Variants in NGEF observed in about 807,000 individuals in gnomAD.
NGEF encodes the protein neuronal guanine nucleotide exchange factor.
NGEF carries 31 observed loss-of-function variants against 80.9 expected under a neutral mutation model. That is an observed-to-expected ratio of 0.38 (90% confidence interval 0.29 to 0.52). The LOEUF is 0.52. NGEF is among the 20% of genes least tolerant of loss of function. The pLI, the probability that NGEF is intolerant of heterozygous loss-of-function variation, is 0.84. For synonymous variants in NGEF, 371 were observed against 370.2 expected, an observed-to-expected ratio of 1.00 and a Z score of -0.03; for missense variants, 709 against 926.2, an observed-to-expected ratio of 0.77 and a Z score of 3.04.
At chr2:232,977,649 A>G (rs1227047008) in intron 1 of NGEF, among the ~76,000 whole-genome samples, 1 of 152,080 alleles carries the variant, frequency 6.6e-6, no homozygotes, top group East Asian at 1.9e-4. Flanking sequence ...GGGGTGGATG[A>G]TGTAGGCATT....
chr2:232,899,183 G>A (rs1692193986), intron 5 of NGEF, among the ~76,000 whole-genome samples: 2 of 151,922 alleles, frequency 1.3e-5, no homozygotes, highest in Admixed American at 1.3e-4. Flanking sequence ...GAAGGTGAGT[G>A]TGAATGTGTG....
In NGEF at chr2:232,995,086, A is replaced by AGTGT. The variant is rs1409598819; in HGVS notation, c.-75+17981_-75+17982insACAC. Among the ~76,000 whole-genome samples, 36 of 26,328 alleles carry AGTGT rather than the reference A, an allele frequency of 1.4e-3. 17 individuals are homozygous for AGTGT. The highest frequency in any genetic ancestry group is 0.011 in the African/African-American group (36 of 3,320). The allele number at this position is 26,328 out of a possible 152,430, so 17.3% of individuals were successfully genotyped here. A position where few individuals can be genotyped will look rare whatever the true frequency, so the allele number is the denominator to read the frequency against. On this transcript the variant is annotated intron_variant, in intron 1 of 14. Coordinates refer to ENST00000264051, the MANE Select transcript of NGEF (RefSeq NM_019850.3). ...CAGTATGTATACTGTATATGTGTAC[A>AGTGT]GTATGTATATGTGTACAGTATGTAT...
chr2:233,006,178 T>C (rs1695080106), intron 1 of NGEF, among the ~76,000 whole-genome samples: 1 of 152,218 alleles, frequency 6.6e-6, no homozygotes, highest in South Asian at 2.1e-4. Flanking sequence ...GCTAACACAC[T>C]CTTCTTAGTG....
At chr2:232,964,202 T>C (rs556109467) in intron 3 of NGEF, among the ~76,000 whole-genome samples, 11 of 152,306 alleles carry the variant, frequency 7.2e-5, no homozygotes, top group Admixed American at 2.0e-4. Flanking sequence ...AATTTAAATG[T>C]ACACCTATTC....
At chr2:233,007,393 C>G (rs1365374966) in intron 1 of NGEF, among the ~76,000 whole-genome samples, 3 of 152,164 alleles carry the variant, frequency 2.0e-5, no homozygotes, top group Non-Finnish European at 4.4e-5. Flanking sequence ...TTTGGCCCGC[C>G]AGGTAGCCGC....
chr2:232,974,765 A>G lies in NGEF; in HGVS notation c.126T>C (p.Ser42=). The G allele has an allele frequency of 6.2e-7, 1 of 1,614,238 alleles. No homozygotes were observed. ...PELLPEKEET[S]QADQDIQDKE... ...TGTCTTGGATATCCTGGTCAGCTTG[A>G]GAAGTCTCCTCTTTTTCTGGGAGTA... Residue 42 remains serine, a synonymous_variant, in exon 2 of 15, where the codon TCT becomes TCC. Transcript: ENST00000264051.
At chr2:232,937,426 A>T (rs905358109) in intron 3 of NGEF, among the ~76,000 whole-genome samples, 1 of 152,180 alleles carries the variant, frequency 6.6e-6, no homozygotes, top group Non-Finnish European at 1.5e-5. Flanking sequence ...GTGACTCTTC[A>T]GTACCTTGTG....
At chr2:232,980,432 G>A (rs969783996) in intron 1 of NGEF, among the ~76,000 whole-genome samples, 10 of 152,250 alleles carry the variant, frequency 6.6e-5, no homozygotes, top group South Asian at 2.1e-4. Context: ...GACATCATCC[G>A]GGGCTCTCGT....
intron 8 of NGEF, among the ~76,000 whole-genome samples, chr2:232,888,485 ATGTACACACG>A (rs1163520943): frequency 1.3e-5 from 2 of 151,898 alleles, no homozygotes; most frequent in South Asian, 2.1e-4. Flanking sequence ...GTGCACACAC[ATGTACACACG>A]TGTACAAACA....
At chr2:233,012,779 C>G in intron 1 of NGEF, 1 of 462,484 alleles carries the variant, frequency 2.2e-6, no homozygotes, top group Non-Finnish European at 4.4e-6. Flanking sequence ...GCAGCCATTC[C>G]TGCTTTTGAT....
intron 1 of NGEF, among the ~76,000 whole-genome samples, chr2:233,000,496 A>G (rs1694948937): frequency 6.6e-6 from 1 of 152,076 alleles, no homozygotes; most frequent in South Asian, 2.1e-4. Context: ...TCACGCCTGT[A>G]ATGCCAATCC....
At chr2:232,994,555 G>C (rs1341545786) in intron 1 of NGEF, among the ~76,000 whole-genome samples, 1 of 152,150 alleles carries the variant, frequency 6.6e-6, no homozygotes, top group Non-Finnish European at 1.5e-5. Flanking sequence ...AAAGAATTTG[G>C]TGGTTCCCAC....
intron 5 of NGEF, among the ~76,000 whole-genome samples, chr2:232,916,255 C>G (rs1362462895): frequency 2.0e-5 from 3 of 152,184 alleles, no homozygotes; most frequent in Non-Finnish European, 2.9e-5. Context: ...AGCTCCTTAT[C>G]TGTGTTATTT....
chr2:232,900,371 TACAC>T (rs1170652186), intron 5 of NGEF, among the ~76,000 whole-genome samples: 6 of 51,312 alleles, frequency 1.2e-4, no homozygotes, highest in East Asian at 7.2e-4. Context: ...CACATTCACT[TACAC>T]ACACACGCTC....
intron 1 of NGEF, among the ~76,000 whole-genome samples, chr2:232,981,783 G>A (rs780414349): frequency 2.6e-5 from 4 of 152,292 alleles, no homozygotes; most frequent in Middle Eastern, 3.4e-3. Flanking sequence ...CGCACAGCTG[G>A]CTCTGCGTGA....
chr2:232,959,831 G>A (rs770054225), intron 3 of NGEF, among the ~76,000 whole-genome samples: 6 of 152,066 alleles, frequency 3.9e-5, no homozygotes, highest in African/African-American at 1.2e-4. Context: ...TGCCCGCCTC[G>A]GCCTCCCAAA....
rs1254497875 is a variant in NGEF, at chr2:232,892,280, G to A, written c.1142+618C>T. Among the ~76,000 whole-genome samples the A allele has an allele frequency of 6.6e-6, 1 of 152,176 alleles. No homozygotes were observed. The highest frequency in any genetic ancestry group is 1.5e-5 in the Non-Finnish European group (1 of 68,028). On this transcript the variant is annotated intron_variant, in intron 7 of 14. Transcript: ENST00000264051. This position sits in a 1 kb window ranked among gnomAD's most constrained non-coding sequence, Gnocchi z 4.0. ...AAAAGCCAGTGAGGCGCAATGTGCA[G>A]ACGCCACAACTGGAAAACTCCCTGG...
At chr2:232,899,719 C>G (rs111209802) in intron 5 of NGEF, among the ~76,000 whole-genome samples, 1 of 150,910 alleles carries the variant, frequency 6.6e-6, no homozygotes, top group African/African-American at 2.4e-5. Context: ...CTCTCAGTCA[C>G]TCATATACAC....
chr2:232,878,952 G>A lies in NGEF; in HGVS notation c.*537C>T, dbSNP rs1267221569. ...AGCCAGAGGCTGGCAGAGGCCTGGG[G>A]AAGGGTGGGCAGAGGCAGCTGGGCT... On this transcript the variant is annotated 3_prime_UTR_variant, in exon 15 of 15. Transcript: ENST00000264051. The A allele has an allele frequency of 6.5e-6, 1 of 152,974 alleles. No homozygotes were observed. The highest frequency in any genetic ancestry group is 1.5e-5 in the Non-Finnish European group (1 of 68,330). 9.5% of individuals were successfully genotyped at this position (152,974 alleles called of 1,614,324 possible).
Sources: allele counts gnomAD v4.1 joint callset (sites outside exome capture counted in the v4.1 genomes callset), GRCh38; gene constraint gnomAD v4.1.1; non-coding constraint Gnocchi (gnomAD v3.1); transcripts MANE v1.5; gene names NCBI Gene and HGNC (gene_info 2026-07-23, HGNC 2026-07-21).